Variants in DEFB123 observed in about 807,000 individuals in gnomAD.
DEFB123 encodes the protein defensin beta 123.
For missense variants in DEFB123, 71 were observed against 75.0 expected, an observed-to-expected ratio of 0.95 and a Z score of 0.20; for synonymous variants, 22 against 28.3, an observed-to-expected ratio of 0.78 and a Z score of 0.71.
At chr20:31,441,178 C>CTAGGACCA (rs1353914194) in intron 1 of DEFB123, among the ~76,000 whole-genome samples, 2 of 152,222 alleles carry the variant, frequency 1.3e-5, no homozygotes, top group African/African-American at 4.8e-5. Context: ...GCGCTGGAAG[C>CTAGGACCA]TAGGACCACG....
At chr20:31,448,756 G>A (rs1979656327) in intron 1 of DEFB123, among the ~76,000 whole-genome samples, 1 of 151,814 alleles carries the variant, frequency 6.6e-6, no homozygotes, top group Non-Finnish European at 1.5e-5. Context: ...TTGTTGCCTA[G>A]GCTGAAGTGC....
chr20:31,447,156 G>T (rs1244912451), intron 1 of DEFB123, among the ~76,000 whole-genome samples: 1 of 151,420 alleles, frequency 6.6e-6, no homozygotes. Flanking sequence ...CAGCTACTCG[G>T]GAGGCTGAGA....
intron 1 of DEFB123, among the ~76,000 whole-genome samples, chr20:31,443,955 G>T (rs1231773538): frequency 6.6e-6 from 1 of 152,136 alleles, no homozygotes; most frequent in Non-Finnish European, 1.5e-5. Flanking sequence ...AATGTATAAA[G>T]GAGCTCTTTG....
chr20:31,449,097 G>A (rs995437406), intron 1 of DEFB123, among the ~76,000 whole-genome samples: 1 of 151,720 alleles, frequency 6.6e-6, no homozygotes, highest in Non-Finnish European at 1.5e-5. Flanking sequence ...TTACTACTTG[G>A]AGCATATTTA....
Position 31,449,901 on chromosome 20 carries a change from A to G in DEFB123, c.59-128A>G, listed in dbSNP as rs535742242. 25 of 1,206,944 alleles carry G rather than the reference A, an allele frequency of 2.1e-5. No homozygotes were observed. In the Admixed American group the frequency reaches 7.0e-4, roughly 34 times the overall value. The allele number at this position is 1,206,944 out of a possible 1,614,324, so 74.8% of individuals were successfully genotyped here. A position where few individuals can be genotyped will look rare whatever the true frequency, so the allele number is the denominator to read the frequency against. ...GTAAAGGAAAAACAGTGATAGATGA[A>G]AAGAGTCAAAGGCAAGGGAAACAAG... On this transcript the variant is annotated intron_variant, in intron 1 of 1. Coordinates refer to ENST00000376309, the MANE Select transcript of DEFB123 (RefSeq NM_153324.4).
chr20:31,449,758 G>C (rs1374760271), intron 1 of DEFB123, among the ~76,000 whole-genome samples: 1 of 96,560 alleles, frequency 1.0e-5, no homozygotes, highest in Non-Finnish European at 1.8e-5. Flanking sequence ...GACAGAGCAA[G>C]ACTCATCTCA....
intron 1 of DEFB123, among the ~76,000 whole-genome samples, chr20:31,441,263 G>A (rs544212662): frequency 5.9e-5 from 9 of 152,170 alleles, no homozygotes; most frequent in Non-Finnish European, 1.2e-4. Context: ...AGGGTGACAC[G>A]GCTGTGGCAG....
intron 1 of DEFB123, among the ~76,000 whole-genome samples, chr20:31,444,341 C>T (rs1208111475): frequency 6.7e-6 from 1 of 149,578 alleles, no homozygotes; most frequent in South Asian, 2.1e-4. Flanking sequence ...TTATCATACT[C>T]TAGTTAATCA....
At chr20:31,445,696 C>A (rs1360784166) in intron 1 of DEFB123, among the ~76,000 whole-genome samples, 1 of 152,098 alleles carries the variant, frequency 6.6e-6, no homozygotes, top group Non-Finnish European at 1.5e-5. Flanking sequence ...CACGCCACCA[C>A]GCCTGCCTAA....
chr20:31,448,878 A>ATTTTT (rs34804733), intron 1 of DEFB123, among the ~76,000 whole-genome samples: 2 of 119,980 alleles, frequency 1.7e-5, no homozygotes, highest in African/African-American at 3.1e-5. Flanking sequence ...CGCCCAGCTA[A>ATTTTT]TTTTTTTTTT....
intron 1 of DEFB123, 66 bp downstream of exon 1, chr20:31,440,822 G>C: frequency 1.3e-6 from 2 of 1,591,478 alleles, no homozygotes; most frequent in Non-Finnish European, 1.7e-6. Context: ...AGAATCCCAA[G>C]GGCTAGAAGG....
intron 1 of DEFB123, among the ~76,000 whole-genome samples, chr20:31,447,011 C>T (rs1210699349): frequency 2.0e-5 from 3 of 149,708 alleles, no homozygotes; most frequent in Non-Finnish European, 4.4e-5. Flanking sequence ...ACCTGTAATC[C>T]CAGCACTTTG....
intron 1 of DEFB123, among the ~76,000 whole-genome samples, chr20:31,442,575 G>A (rs374746042): frequency 3.3e-5 from 5 of 151,468 alleles, no homozygotes; most frequent in Non-Finnish European, 7.4e-5. Context: ...GTGAACACCA[G>A]GGGAAGGGGA....
chr20:31,450,173 A>C lies in DEFB123; in HGVS notation c.203A>C (p.Ter68SerextTer3). ...YQPKERWWPF[*>S] ...CCAAAAGAAAGGTGGTGGCCATTTT[A>C]ACTGCTTTGAAGCCTGAAGCCATGA... The change falls in exon 2 of 2, where the codon TAA (stop) becomes TCA (serine). Residue 68 changes from the stop codon to serine (S), a stop_lost. Coordinates refer to ENST00000376309, the MANE Select transcript of DEFB123 (RefSeq NM_153324.4). 6 of 1,602,782 alleles carry C rather than the reference A, an allele frequency of 3.7e-6. No individual in the cohort carries two copies. The highest frequency in any genetic ancestry group is 5.1e-6 in the Non-Finnish European group (6 of 1,175,986).
At chr20:31,447,203 G>A (rs1007722916) in intron 1 of DEFB123, among the ~76,000 whole-genome samples, 4 of 146,538 alleles carry the variant, frequency 2.7e-5, no homozygotes, top group Non-Finnish European at 6.0e-5. Context: ...TGGAGGTTGC[G>A]GTGAGCTGAG....
At chr20:31,447,245 G>C (rs751166364) in intron 1 of DEFB123, among the ~76,000 whole-genome samples, 11 of 152,042 alleles carry the variant, frequency 7.2e-5, no homozygotes, top group East Asian at 1.9e-4. Flanking sequence ...CTGGGCAACA[G>C]AGCAAGACTC....
chr20:31,448,695 G>T (rs1350306231), intron 1 of DEFB123, among the ~76,000 whole-genome samples: 1 of 151,808 alleles, frequency 6.6e-6, no homozygotes, highest in African/African-American at 2.4e-5. Flanking sequence ...ACTATTCCAT[G>T]TGAATATATA....
intron 1 of DEFB123, among the ~76,000 whole-genome samples, chr20:31,440,986 TG>T (rs1386482741): frequency 6.6e-6 from 1 of 152,040 alleles, no homozygotes; most frequent in African/African-American, 2.4e-5. Context: ...AGGGAGCATG[TG>T]GGGGTGGCCT....
rs34763122 is a variant in DEFB123, at chr20:31,447,780, C to CTTTTTTTTT, written c.59-2233_59-2225dup. On this transcript the variant is annotated intron_variant, in intron 1 of 1. Coordinates refer to ENST00000376309, the MANE Select transcript of DEFB123 (RefSeq NM_153324.4). The stretch of plus-strand genomic sequence containing the variant: ...TACAGGTGCACACCAACACACCCGG[C>CTTTTTTTTT]TTTTTTTTTTTTTTTTTTTTTTTTG... 3.7e-4 allele frequency among the ~76,000 whole-genome samples: 24 copies of CTTTTTTTTT among 64,490 alleles called. 2 individuals carry two copies. The highest frequency in any genetic ancestry group is 1.3e-3 in the African/African-American group (19 of 14,942). The allele number at this position is 64,490 out of a possible 152,430, so 42.3% of individuals were successfully genotyped here. A position where few individuals can be genotyped will look rare whatever the true frequency, so the allele number is the denominator to read the frequency against.
Sources: allele counts gnomAD v4.1 joint callset (sites outside exome capture counted in the v4.1 genomes callset), GRCh38; gene constraint gnomAD v4.1.1; transcripts MANE v1.5; gene names NCBI Gene and HGNC (gene_info 2026-07-23, HGNC 2026-07-21).